The following PTGR2 variants were observed in gnomAD, a reference collection of about 807,000 sequenced individuals.
The protein encoded by PTGR2 is 15-oxoprostaglandin 13-reductase.
PTGR2 carries 32 observed loss-of-function variants against 43.4 expected under a neutral mutation model. That is an observed-to-expected ratio of 0.74 (90% CI 0.56 to 0.99). The LOEUF (loss-of-function observed/expected upper bound fraction) is 0.99. Among genes scored for constraint, PTGR2 ranks in the 50% least tolerant of loss-of-function variants. The pLI is 0.00. For synonymous variants in PTGR2, 106 were observed against 139.2 expected (o/e 0.76, Z 1.68); for missense variants, 373 against 420.0 (o/e 0.89, Z 0.98).
rs766810794 is a variant in PTGR2 at position 73,876,483 on chromosome 14, C to CTTTTTTTTTTT, written c.349-509_349-499dup. On this transcript the variant is annotated intron_variant, in intron 4 of 9. Coordinates refer to ENST00000555661, the MANE Select transcript of PTGR2 (RefSeq NM_001146154.2). ...TCTTCTTCTTCTAAGGACATAAGTC[C>CTTTTTTTTTTT]TTTTTTTTTTTTTTTTGAGATGAAG... 6.3e-4 allele frequency among the ~76,000 whole-genome samples: 68 copies of CTTTTTTTTTTT among 108,544 alleles called. 1 individual carries two copies. Among genetic ancestry groups the CTTTTTTTTTTT allele is most frequent in the Non-Finnish European group, 9.6e-4 (52 of 54,314 alleles). 71.2% of individuals were successfully genotyped at this position (108,544 alleles called of 152,430 possible). A position where few individuals can be genotyped will look rare whatever the true frequency, so the allele number is the denominator to read the frequency against.
intron 3 of PTGR2, among the ~76,000 whole-genome samples, chr14:73,862,854 T>C (rs2054525077): frequency 6.6e-6 from 1 of 152,022 alleles, no homozygotes; most frequent in South Asian, 2.1e-4. Flanking sequence ...ACCACAGGTA[T>C]GCACCACCAC....
At chr14:73,883,258 C>T (rs1179789666) in intron 9 of PTGR2, among the ~76,000 whole-genome samples, 4 of 123,710 alleles carry the variant, frequency 3.2e-5, no homozygotes, top group African/African-American at 1.2e-4. Context: ...GGCTGGAGTG[C>T]AGTGGCATGA....
chr14:73,860,576 G>A lies in PTGR2; in HGVS notation c.75G>A (p.Met25Ile), dbSNP rs763106005. The change falls in exon 3 of 10, where the codon ATG becomes ATA. Residue 25 changes from methionine (M) to isoleucine (I), a missense_variant. Met to Ile is a conservative substitution (Grantham distance 10). Coordinates refer to ENST00000555661, the MANE Select transcript of PTGR2 (RefSeq NM_001146154.2). ...ATCCAGTGGCAGAGAATTTCCGAAT[G>A]GAAGAAGTCTATTTACCAGATAATA... ...NGNPVAENFR[M>I]EEVYLPDNIN... The A allele has an allele frequency of 2.5e-6, 4 of 1,580,996 alleles. No homozygotes were observed. In the East Asian group the frequency reaches 6.8e-5, roughly 27 times the overall value.
intron 3 of PTGR2, among the ~76,000 whole-genome samples, chr14:73,872,653 A>G (rs2054763255): frequency 1.3e-5 from 2 of 152,294 alleles, no homozygotes; most frequent in African/African-American, 4.8e-5. Context: ...TCAGTTTTTT[A>G]ATTTTTTATT....
Position 73,882,449 on chromosome 14 carries a change from T to A in PTGR2, c.979+11T>A. 1.4e-5 allele frequency: 21 copies of A among 1,524,732 alleles called. No homozygotes were observed. The highest frequency in any genetic ancestry group is 1.9e-5 in the Non-Finnish European group (21 of 1,100,594). The allele number at this position is 1,524,732 out of a possible 1,614,324, so 94.5% of individuals were successfully genotyped here. The stretch of plus-strand genomic sequence containing the variant: ...TGGAAAACATGGGAGGTAAGATGAA[T>A]GTAGACTTATTATATACACATGCTC... On this transcript the variant is annotated intron_variant, in intron 9 of 9. Coordinates refer to ENST00000555661, the MANE Select transcript of PTGR2 (RefSeq NM_001146154.2).
intron 1 of PTGR2, among the ~76,000 whole-genome samples, chr14:73,857,082 A>G (rs894426429): frequency 2.0e-5 from 3 of 151,476 alleles, no homozygotes; most frequent in African/African-American, 7.3e-5. Flanking sequence ...GACCAGCCTG[A>G]GCAACATAGC....
At chr14:73,861,453 G>A (rs17182628) in intron 3 of PTGR2, 1 of 151,866 alleles carries the variant, frequency 6.6e-6, no homozygotes, top group East Asian at 1.9e-4. Context: ...CTATTAAGAG[G>A]CTCAGCTGGG....
intron 9 of PTGR2, among the ~76,000 whole-genome samples, chr14:73,883,166 GCCCTT>G: frequency 8.4e-6 from 1 of 119,696 alleles, no homozygotes; most frequent in African/African-American, 3.2e-5. Context: ...CCCCTTCCCT[GCCCTT>G]CCCTCCCCTC....
chr14:73,855,742 G>A (rs778120609), intron 1 of PTGR2, among the ~76,000 whole-genome samples: 16 of 148,110 alleles, frequency 1.1e-4, no homozygotes, highest in Middle Eastern at 3.5e-3. Flanking sequence ...CACCACGCCC[G>A]GAGTATTACT....
At chr14:73,883,156 CCCCTTCCCTG>C (rs1055126948) in intron 9 of PTGR2, among the ~76,000 whole-genome samples, 3 of 146,714 alleles carry the variant, frequency 2.0e-5, no homozygotes, top group African/African-American at 7.6e-5. Context: ...TCTCTGGCCT[CCCCTTCCCTG>C]CCCTTCCCTC....
At chr14:73,859,413 A>T (rs1436550756) in intron 2 of PTGR2, among the ~76,000 whole-genome samples, 1 of 152,086 alleles carries the variant, frequency 6.6e-6, no homozygotes, top group East Asian at 1.9e-4. Flanking sequence ...TAAGATCTTT[A>T]TGTACTATTC....
chr14:73,882,361 G>A, intron 8 of PTGR2, 38 bp from the exon 9 acceptor site: 2 of 1,300,036 alleles, frequency 1.5e-6, no homozygotes, highest in Non-Finnish European at 1.1e-6. Context: ...AAACATTGAA[G>A]TTTAAAGACT....
At chr14:73,861,523 C>A in intron 3 of PTGR2, 1 of 152,270 alleles carries the variant, frequency 6.6e-6, no homozygotes, top group Non-Finnish European at 1.5e-5. Context: ...ATTGCTTGAG[C>A]CCAGGAGTTC....
intron 9 of PTGR2, 39 bp from the exon 10 acceptor site, chr14:73,884,062 C>T (rs747575046): frequency 4.1e-6 from 5 of 1,232,734 alleles, no homozygotes; most frequent in Non-Finnish European, 5.9e-6. Flanking sequence ...ATGATAGTGA[C>T]ATTTATCTTT....
At chr14:73,874,482 G>C (rs1251415639) in intron 4 of PTGR2, 2 of 508,852 alleles carry the variant, frequency 3.9e-6, no homozygotes, top group Admixed American at 5.0e-5. Context: ...TTTAATTCAT[G>C]TATGTGCACT....
intron 8 of PTGR2, among the ~76,000 whole-genome samples, chr14:73,882,155 TTC>T (rs1421321122): frequency 1.3e-5 from 2 of 152,206 alleles, no homozygotes; most frequent in Non-Finnish European, 2.9e-5. Context: ...ACTGTTCTTT[TTC>T]TGTTTTAGAG....
chr14:73,870,602 C>T (rs1003579834), intron 3 of PTGR2, among the ~76,000 whole-genome samples: 1 of 152,098 alleles, frequency 6.6e-6, no homozygotes. Flanking sequence ...ACATGATTAT[C>T]CTTAATGTGC....
rs1227466430 is a variant in PTGR2, at chr14:73,884,556, T to G, written c.*379T>G. Reference sequence around the variant, plus strand: ...ATAGAATGCTTAAAATAAAATAGAATGCTTGAGAGGCACTGAGTAAAGATT... The same window carrying G: ...ATAGAATGCTTAAAATAAAATAGAAGGCTTGAGAGGCACTGAGTAAAGATT... On this transcript the variant is annotated 3_prime_UTR_variant, in exon 10 of 10. Coordinates refer to ENST00000555661, the MANE Select transcript of PTGR2 (RefSeq NM_001146154.2). The G allele has an allele frequency of 6.5e-6, 1 of 152,968 alleles. No individual in the cohort carries two copies. Among genetic ancestry groups the G allele is most frequent in the East Asian group, 1.9e-4 (1 of 5,262 alleles). 9.5% of individuals were successfully genotyped at this position (152,968 alleles called of 1,614,324 possible).
chr14:73,852,462 A>C (rs954520000), intron 1 of PTGR2, among the ~76,000 whole-genome samples: 15 of 152,124 alleles, frequency 9.9e-5, no homozygotes, highest in African/African-American at 3.6e-4. Context: ...CGTGTTAGCC[A>C]GGATGGTCTT....
Sources: allele counts gnomAD v4.1 joint callset (sites outside exome capture counted in the v4.1 genomes callset), GRCh38; gene constraint gnomAD v4.1.1; transcripts MANE v1.5; gene names NCBI Gene and HGNC (gene_info 2026-07-23, HGNC 2026-07-21).